Variants in FGF14 observed in about 807,000 individuals in gnomAD.
FGF14 encodes the protein fibroblast growth factor 14, also known as fibroblast growth factor homologous factor 4.
Under a neutral mutation model 25.5 loss-of-function variants are expected in FGF14, and 5 were observed. The observed-to-expected ratio is 0.20, with a 90% confidence interval of 0.10 to 0.41. The LOEUF is 0.41. Ranked by LOEUF, FGF14 falls within the 10% of genes least tolerant of loss-of-function variation. FGF14 has a pLI of 1.00. For synonymous variants in FGF14, 138 were observed against 118.3 expected, an observed-to-expected ratio of 1.17 and a Z score of -1.08; for missense variants, 222 against 320.1, an observed-to-expected ratio of 0.69 and a Z score of 2.34.
chr13:102,094,611 A>G (rs995841846), intron 1 of FGF14, among the ~76,000 whole-genome samples: 5 of 152,160 alleles, frequency 3.3e-5, no homozygotes, highest in Admixed American at 6.5e-5. Flanking sequence ...CACAAATGCA[A>G]TTGGATTTAT....
rs1300419513 is a variant in FGF14 at position 102,237,016 on chromosome 13, C to T, written c.208+164455G>A. Among the ~76,000 whole-genome samples, 95 of 152,176 alleles carry T rather than the reference C, an allele frequency of 6.2e-4. 1 individual carries two copies. Among genetic ancestry groups the T allele is most frequent in the Admixed American group, 6.2e-3 (95 of 15,288 alleles). On this transcript the variant is annotated intron_variant, in intron 1 of 4. Transcript: ENST00000376131. Reference sequence around the variant, plus strand: ...GGGCCGCACTAGGTCCCAAGAATGCCATTCTCCTGTGTGATCACGCCTCAC... The same window carrying T: ...GGGCCGCACTAGGTCCCAAGAATGCTATTCTCCTGTGTGATCACGCCTCAC...
chr13:102,302,741 A>G (rs1246849968), intron 1 of FGF14, among the ~76,000 whole-genome samples: 1 of 152,124 alleles, frequency 6.6e-6, no homozygotes, highest in Non-Finnish European at 1.5e-5. Flanking sequence ...ACTCCTGTCA[A>G]GTCTACTTCC....
rs547524210 is a variant in FGF14, at chr13:102,375,217, C to T, written c.208+26254G>A. Among the ~76,000 whole-genome samples the T allele has an allele frequency of 3.2e-4, 48 of 152,176 alleles. 1 individual carries two copies. The South Asian group carries it at 9.8e-3, about 31-fold the overall frequency. On this transcript the variant is annotated intron_variant, in intron 1 of 4. Transcript: ENST00000376131. Reference sequence around the variant, plus strand: ...ATACCTCTGCTGCCACAGTTACACCCCACAAATGAAATCTACATCCATATT... The same window carrying T: ...ATACCTCTGCTGCCACAGTTACACCTCACAAATGAAATCTACATCCATATT...
At chr13:101,765,605 A>T (rs1566872980) in intron 3 of FGF14, among the ~76,000 whole-genome samples, 1 of 152,212 alleles carries the variant, frequency 6.6e-6, no homozygotes, top group Admixed American at 6.5e-5. Flanking sequence ...CCAAATATGT[A>T]TTTCATGCTA....
At chr13:101,800,668 C>T (rs1189507101) in intron 3 of FGF14, among the ~76,000 whole-genome samples, 2 of 152,114 alleles carry the variant, frequency 1.3e-5, no homozygotes, top group East Asian at 3.9e-4. Flanking sequence ...TTTTGATTGG[C>T]ATATTTTGTT....
rs936966109 is a variant in FGF14 at position 101,956,144 on chromosome 13, T to C, written c.209-80848A>G. Among the ~76,000 whole-genome samples the C allele has an allele frequency of 2.6e-5, 4 of 152,314 alleles. No homozygotes were observed. In the South Asian group the frequency reaches 8.3e-4, roughly 32 times the overall value. ...AGGAAGCAAGTCAATTCTACTAGTT[T>C]CCCAGGCATGAGGCATGCTGCATGA... On this transcript the variant is annotated intron_variant, in intron 1 of 4. Transcript: ENST00000376131.
At chr13:102,167,752 T>A (rs907151916) in intron 1 of FGF14, among the ~76,000 whole-genome samples, 2 of 151,300 alleles carry the variant, frequency 1.3e-5, no homozygotes, top group Non-Finnish European at 2.9e-5. Flanking sequence ...AAAAATCCAT[T>A]AGAGAATCCT....
At position 102,196,499 on chromosome 13, in the gene FGF14, A is replaced by G. The variant is rs538251194; in HGVS notation, c.208+204972T>C. On this transcript the variant is annotated intron_variant, in intron 1 of 4. Coordinates refer to the FGF14 transcript ENST00000376131. ...CCTAGTACTGAAGGACATCTGATAA[A>G]CAGCCTCTGGTAAAGAAAAAGGTAG... 2.6e-5 allele frequency among the ~76,000 whole-genome samples: 4 copies of G among 152,318 alleles called. 1 individual carries two copies. The highest frequency in any genetic ancestry group is 9.6e-5 in the African/African-American group (4 of 41,578).
chr13:101,961,464 T>C (rs966521838), intron 1 of FGF14, among the ~76,000 whole-genome samples: 1 of 152,168 alleles, frequency 6.6e-6, no homozygotes. Flanking sequence ...CCATTGCTTG[T>C]TTTTGTCAGG....
At chr13:102,100,323 A>G (rs2044598950) in intron 1 of FGF14, among the ~76,000 whole-genome samples, 1 of 152,152 alleles carries the variant, frequency 6.6e-6, no homozygotes, top group South Asian at 2.1e-4. Context: ...TCCCTACAAG[A>G]GCATACCACA....
At chr13:102,055,186 C>T (rs958203961) in intron 1 of FGF14, among the ~76,000 whole-genome samples, 4 of 152,242 alleles carry the variant, frequency 2.6e-5, no homozygotes, top group African/African-American at 9.6e-5. Context: ...CCACATGCCT[C>T]ATGCACATGT....
chr13:102,065,340 C>T (rs530556731), intron 1 of FGF14, among the ~76,000 whole-genome samples: 18 of 151,944 alleles, frequency 1.2e-4, no homozygotes, highest in Non-Finnish European at 2.4e-4. Context: ...CAAATGGAGC[C>T]CAATACACTT....
chr13:102,070,487 C>G (rs2043111254), intron 1 of FGF14, among the ~76,000 whole-genome samples: 1 of 152,134 alleles, frequency 6.6e-6, no homozygotes, highest in African/African-American at 2.4e-5. Context: ...CCTCAAAAAA[C>G]TAAAAATAGA....
intron 1 of FGF14, among the ~76,000 whole-genome samples, chr13:102,126,542 CTGTTTT>C (rs2045956936): frequency 6.6e-6 from 1 of 152,186 alleles, no homozygotes; most frequent in African/African-American, 2.4e-5. Flanking sequence ...GAACAAGTAT[CTGTTTT>C]CGTCCCTCCT....
Position 101,715,012 on chromosome 13 carries a change from T to C in FGF14, c.*7819A>G, listed in dbSNP as rs1246721726. 2.4e-5 allele frequency: 4 copies of C among 167,708 alleles called. No homozygotes were observed. Among genetic ancestry groups the C allele is most frequent in the Non-Finnish European group, 5.1e-5 (4 of 77,736 alleles). The allele number at this position is 167,708 out of a possible 1,614,324, so 10.4% of individuals were successfully genotyped here. A position where few individuals can be genotyped will look rare whatever the true frequency, so the allele number is the denominator to read the frequency against. On this transcript the variant is annotated 3_prime_UTR_variant, in exon 5 of 5. Transcript: ENST00000376143. ...GAGGGCTCAGCCGTGTCATAGCCAC[T>C]GCTATCCTAATTTATTGAGTCCTCA...
intron 1 of FGF14, among the ~76,000 whole-genome samples, chr13:102,168,889 G>A (rs1410870934): frequency 6.6e-6 from 1 of 151,986 alleles, no homozygotes; most frequent in African/African-American, 2.4e-5. Context: ...AGGATAGGGA[G>A]CATTGTAAAA....
At chr13:101,918,722 C>G (rs2033768099), upstream of FGF14, among the ~76,000 whole-genome samples, 1 of 152,232 alleles carries the variant, frequency 6.6e-6, no homozygotes, top group Non-Finnish European at 1.5e-5. Flanking sequence ...CTTCACTCCA[C>G]ATTTACCAAC....
chr13:102,134,860 T>C (rs1430470917), intron 1 of FGF14, among the ~76,000 whole-genome samples: 1 of 152,170 alleles, frequency 6.6e-6, no homozygotes, highest in Non-Finnish European at 1.5e-5. Flanking sequence ...AACCAAACTT[T>C]TTCAATGTAG....
At chr13:102,048,008 C>T (rs1348731233) in intron 1 of FGF14, among the ~76,000 whole-genome samples, 9 of 149,126 alleles carry the variant, frequency 6.0e-5, no homozygotes, top group Non-Finnish European at 1.0e-4. Flanking sequence ...GGTTTATTAT[C>T]TTAGTTGTTT....
Sources: gnomAD v4.1 joint callset for allele counts (sites outside exome capture counted in the v4.1 genomes callset) on GRCh38, gnomAD v4.1.1 for gene constraint, MANE v1.5 for transcripts, NCBI Gene and HGNC (gene_info 2026-07-23, HGNC 2026-07-21) for gene names.